The following GNAO1 variants were observed in gnomAD, a reference collection of about 807,000 sequenced individuals.
GNAO1 encodes guanine nucleotide-binding protein G(o) subunit alpha.
For synonymous variants in GNAO1, 164 were observed against 180.7 expected, an observed-to-expected ratio of 0.91 and a Z score of 0.74; for missense variants, 166 against 478.7, an observed-to-expected ratio of 0.35 and a Z score of 6.10.
At chr16:56,258,446 C>T (rs948519719) in intron 2 of GNAO1, among the ~76,000 whole-genome samples, 1 of 152,298 alleles carries the variant, frequency 6.6e-6, no homozygotes, top group Non-Finnish European at 1.5e-5. Flanking sequence ...TTCAGTAACA[C>T]GTGAAATGTT....
At chr16:56,252,242 A>G (rs1490836951) in intron 2 of GNAO1, among the ~76,000 whole-genome samples, 2 of 152,192 alleles carry the variant, frequency 1.3e-5, no homozygotes, top group Non-Finnish European at 2.9e-5. Context: ...GGCACAGCCA[A>G]TTGCAGTACA....
At chr16:56,272,321 A>G (rs931879685) in intron 2 of GNAO1, among the ~76,000 whole-genome samples, 7 of 152,186 alleles carry the variant, frequency 4.6e-5, no homozygotes, top group African/African-American at 1.7e-4. Context: ...TGAAAAAAAA[A>G]AGGATATTTC....
At position 56,347,760 on chromosome 16, in the gene GNAO1, TCCCCA is replaced by T. The variant is rs1231555788; in HGVS notation, c.724-3619_724-3615del. On this transcript the variant is annotated intron_variant, in intron 6 of 8. Transcript: ENST00000262493. ...GCACCACTACTGTCCTCCCCTTCCC[TCCCCA>T]CCCCTCCCCTCCCTTTCCCTCCTCT... 172 of 450,764 alleles carry T rather than the reference TCCCCA, an allele frequency of 3.8e-4. No individual in the cohort carries two copies. The African/African-American group carries it at 7.3e-3, about 19-fold the overall frequency. 27.9% of individuals were successfully genotyped at this position (450,764 alleles called of 1,614,324 possible).
chr16:56,237,242 A>G (rs1034565577), intron 2 of GNAO1, among the ~76,000 whole-genome samples: 5 of 152,224 alleles, frequency 3.3e-5, no homozygotes, highest in Admixed American at 3.3e-4. Context: ...GAGTAATGAC[A>G]TTAGCTGGTG....
chr16:56,336,756 T>A lies in GNAO1; in HGVS notation c.619T>A (p.Ser207Thr). 1 of 1,613,312 alleles carries A rather than the reference T, an allele frequency of 6.2e-7. No homozygotes were observed. The highest frequency in any genetic ancestry group is 8.5e-7 in the Non-Finnish European group (1 of 1,179,830). Residue 207 changes from serine (S) to threonine (T), a missense_variant, in exon 6 of 9, where the codon TCT (serine) becomes ACT (threonine). Physicochemically the swap from Ser to Thr is moderately conservative, Grantham distance 58 (BLOSUM62 1). Transcript: ENST00000262493. ...FRLFDVGGQR[S>T]ERKKWIHCFE... ...GCTGTTTGACGTCGGAGGCCAGCGA[T>A]CTGAACGCAAGAAGTGGATCCATTG...
chr16:56,223,686 G>T (rs1212706441), intron 2 of GNAO1, among the ~76,000 whole-genome samples: 1 of 152,186 alleles, frequency 6.6e-6, no homozygotes, highest in Non-Finnish European at 1.5e-5. Context: ...AGGATGGGAT[G>T]TGGAACCCCT....
intron 3 of GNAO1, among the ~76,000 whole-genome samples, chr16:56,317,018 G>T (rs944656489): frequency 6.6e-6 from 1 of 152,220 alleles, no homozygotes; most frequent in Non-Finnish European, 1.5e-5. Context: ...GGTTCTGGAA[G>T]GAACATAGTA....
At chr16:56,318,059 G>C (rs1364469671) in intron 3 of GNAO1, among the ~76,000 whole-genome samples, 1 of 152,158 alleles carries the variant, frequency 6.6e-6, no homozygotes, top group Non-Finnish European at 1.5e-5. Flanking sequence ...GTGCGCCCGG[G>C]GTGGCAATTT....
intron 2 of GNAO1, among the ~76,000 whole-genome samples, chr16:56,230,168 C>A (rs775812703): frequency 2.6e-5 from 4 of 152,212 alleles, no homozygotes; most frequent in African/African-American, 9.6e-5. Flanking sequence ...GCATGTACTG[C>A]GGGAGTGGCA....
Position 56,354,147 on chromosome 16 carries a change from T to C in GNAO1, c.878-719T>C, listed in dbSNP as rs1347688390. Among the ~76,000 whole-genome samples, 2 of 152,212 alleles carry C rather than the reference T, an allele frequency of 1.3e-5. No homozygotes were observed. Among genetic ancestry groups the C allele is most frequent in the Non-Finnish European group, 2.9e-5 (2 of 68,042 alleles). ...TGGGCAGGCCCCTCTCCAGACTTTG[T>C]TTTCATGGTTTACTGGAATCAGCAG... is the stretch of plus-strand genomic sequence containing the variant. On this transcript the variant is annotated intron_variant, in intron 7 of 8. Transcript: ENST00000262493. The surrounding 1 kb of genome is among the most constrained non-coding windows in gnomAD (Gnocchi z 4.3).
chr16:56,276,048 C>A lies in GNAO1; in HGVS notation c.279C>A (p.Ile93=), dbSNP rs749909537. The change falls in exon 3 of 9, where the codon ATC becomes ATA. Residue 93 remains isoleucine, a synonymous_variant. Transcript: ENST00000262493. ...AIVRAMDTLG[I]EYGDKERKAD... is the part of the protein sequence containing the mutation. Reference sequence around the variant, plus strand: ...TCCGGGCCATGGACACTTTGGGCATCGAATATGGTGATAAGGAGAGAAAGG... The same window carrying A: ...TCCGGGCCATGGACACTTTGGGCATAGAATATGGTGATAAGGAGAGAAAGG... 1 of 1,613,862 alleles carries A rather than the reference C, an allele frequency of 6.2e-7. No individual in the cohort carries two copies. The highest frequency in any genetic ancestry group is 1.7e-5 in the Admixed American group (1 of 59,998).
chr16:56,344,173 C>T, intron 6 of GNAO1: 1 of 1,428,122 alleles, frequency 7.0e-7, no homozygotes, highest in Non-Finnish European at 9.1e-7. Flanking sequence ...GCTGCAAGGC[C>T]AGGAGACTCC....
chr16:56,298,607 T>A (rs549312128), intron 3 of GNAO1, among the ~76,000 whole-genome samples: 2 of 152,234 alleles, frequency 1.3e-5, no homozygotes, highest in African/African-American at 4.8e-5. Flanking sequence ...TGGGTTTAAC[T>A]TTTTTTAAAA....
At chr16:56,248,014 C>G (rs1438723234) in intron 2 of GNAO1, among the ~76,000 whole-genome samples, 1 of 152,168 alleles carries the variant, frequency 6.6e-6, no homozygotes, top group African/African-American at 2.4e-5. Context: ...CTCTGTAGGT[C>G]TCTTTGGGGA....
chr16:56,266,151 G>A (rs2143496338), intron 2 of GNAO1, among the ~76,000 whole-genome samples: 1 of 152,204 alleles, frequency 6.6e-6, no homozygotes. Flanking sequence ...TTCCCCTATT[G>A]AGCTGTGAGT....
chr16:56,304,074 G>T (rs567656391), intron 3 of GNAO1, among the ~76,000 whole-genome samples: 3 of 152,324 alleles, frequency 2.0e-5, no homozygotes, highest in East Asian at 1.9e-4. Context: ...TGCCCAGTTT[G>T]TTGGTACATC....
At chr16:56,249,937 G>A (rs149251452) in intron 2 of GNAO1, among the ~76,000 whole-genome samples, 90 of 152,316 alleles carry the variant, frequency 5.9e-4, no homozygotes, top group Middle Eastern at 3.4e-3. Flanking sequence ...AGGGCAGTGG[G>A]TTTACATGAT....
chr16:56,288,513 A>T (rs1321337768), intron 3 of GNAO1, among the ~76,000 whole-genome samples: 1 of 152,216 alleles, frequency 6.6e-6, no homozygotes, highest in East Asian at 1.9e-4. Context: ...CTATATAAGG[A>T]GAGGAGAATC....
chr16:56,192,697 T>G, intron 2 of GNAO1, 81 bp downstream of exon 2: 1 of 836,826 alleles, frequency 1.2e-6, no homozygotes, highest in Non-Finnish European at 2.1e-6. Flanking sequence ...TTACTCCACA[T>G]TGCTCTCCAG....
Sources: gnomAD v4.1 joint callset for allele counts (sites outside exome capture counted in the v4.1 genomes callset) on GRCh38, gnomAD v4.1.1 for gene constraint, Gnocchi (gnomAD v3.1) non-coding constraint, MANE v1.5 for transcripts, NCBI Gene and HGNC (gene_info 2026-07-23, HGNC 2026-07-21) for gene names.